CFAP299: variants seen among roughly 807,000 people sequenced by gnomAD.
The protein encoded by CFAP299 is cilia- and flagella-associated protein 299.
A neutral mutation model predicts 27.0 loss-of-function variants in CFAP299; 21 were observed. The observed-to-expected ratio is 0.78, with a 90% CI of 0.55 to 1.12. CFAP299 has a LOEUF of 1.12. Among genes scored for constraint, CFAP299 ranks in the 50% most tolerant of loss-of-function variants. CFAP299 has a pLI of 0.00. For missense variants in CFAP299, 310 were observed against 276.6 expected (o/e 1.12, Z -0.86); for synonymous variants, 104 against 98.1 (o/e 1.06, Z -0.36).
intron 2 of CFAP299, among the ~76,000 whole-genome samples, chr4:80,405,952 G>T (rs551684013): frequency 6.6e-6 from 1 of 151,944 alleles, no homozygotes; most frequent in African/African-American, 2.4e-5. Context: ...CAACTCACAC[G>T]TTCTTATTAT....
At chr4:80,920,322 C>G (rs149902109) in intron 4 of CFAP299, among the ~76,000 whole-genome samples, 1 of 152,230 alleles carries the variant, frequency 6.6e-6, no homozygotes, top group African/African-American at 2.4e-5. Context: ...CCAAATGGAA[C>G]ATTGAACCAA....
At chr4:80,368,981 GA>G (rs1165103470) in intron 2 of CFAP299, among the ~76,000 whole-genome samples, 2 of 152,162 alleles carry the variant, frequency 1.3e-5, no homozygotes, top group African/African-American at 4.8e-5. Context: ...GAAAAGTGAG[GA>G]AGCAGGACTG....
intron 3 of CFAP299, among the ~76,000 whole-genome samples, chr4:80,816,683 A>T (rs1355336675): frequency 1.3e-5 from 2 of 152,056 alleles, no homozygotes; most frequent in Non-Finnish European, 2.9e-5. Context: ...CAGACTCTGG[A>T]CCCTTGATGA....
intron 3 of CFAP299, among the ~76,000 whole-genome samples, chr4:80,704,271 GA>G (rs1256925557): frequency 6.6e-6 from 1 of 151,596 alleles, no homozygotes; most frequent in African/African-American, 2.4e-5. Flanking sequence ...TAAAGATGGG[GA>G]AAAGTCGAAG....
intron 3 of CFAP299, among the ~76,000 whole-genome samples, chr4:80,689,759 G>A (rs527942923): frequency 3.3e-5 from 5 of 152,074 alleles, no homozygotes; most frequent in Non-Finnish European, 7.4e-5. Flanking sequence ...AATTGGATAA[G>A]GAGTCAAGAC....
intron 1 of CFAP299, among the ~76,000 whole-genome samples, chr4:80,349,173 C>T (rs1177343899): frequency 6.6e-6 from 1 of 152,170 alleles, no homozygotes; most frequent in Non-Finnish European, 1.5e-5. Flanking sequence ...TAACCATGCA[C>T]TTGACACAGA....
intron 4 of CFAP299, among the ~76,000 whole-genome samples, chr4:80,886,409 C>T (rs372932451): frequency 9.9e-5 from 15 of 152,242 alleles, no homozygotes; most frequent in African/African-American, 2.2e-4. Context: ...CCACATAGTG[C>T]GACACAGAGA....
chr4:80,531,881 G>A (rs569891802), intron 2 of CFAP299, among the ~76,000 whole-genome samples: 34 of 150,420 alleles, frequency 2.3e-4, no homozygotes, highest in Non-Finnish European at 4.9e-4. Context: ...AGCCTCCCAA[G>A]TAGCTGGGAT....
intron 3 of CFAP299, among the ~76,000 whole-genome samples, chr4:80,843,475 A>G (rs1276430246): frequency 1.3e-5 from 2 of 152,094 alleles, no homozygotes; most frequent in African/African-American, 4.8e-5. Context: ...AATCCAGTCT[A>G]TCATTGTTGG....
intron 3 of CFAP299, among the ~76,000 whole-genome samples, chr4:80,610,291 T>C (rs1234130847): frequency 2.0e-5 from 3 of 152,084 alleles, no homozygotes; most frequent in Non-Finnish European, 1.5e-5. Flanking sequence ...GGAGTGAATA[T>C]TGCTGAACCC....
intron 3 of CFAP299, among the ~76,000 whole-genome samples, chr4:80,842,913 A>G (rs1183355893): frequency 6.6e-6 from 1 of 152,124 alleles, no homozygotes. Context: ...CATAAAATAC[A>G]TTAAATGCCA....
intron 3 of CFAP299, among the ~76,000 whole-genome samples, chr4:80,833,886 G>C (rs1366417968): frequency 6.6e-6 from 1 of 152,152 alleles, no homozygotes; most frequent in Admixed American, 6.6e-5. Flanking sequence ...TTAAATCCAG[G>C]AGGGAATTTT....
intron 2 of CFAP299, among the ~76,000 whole-genome samples, chr4:80,451,725 A>G (rs1396910892): frequency 6.6e-6 from 1 of 152,202 alleles, no homozygotes; most frequent in African/African-American, 2.4e-5. Context: ...ACAATGATAG[A>G]TGGGTTAGAT....
At chr4:80,670,061 C>A (rs1362993492) in intron 3 of CFAP299, among the ~76,000 whole-genome samples, 1 of 151,926 alleles carries the variant, frequency 6.6e-6, no homozygotes, top group East Asian at 1.9e-4. Flanking sequence ...CATAGGTATA[C>A]ATGTGCCATG....
intron 3 of CFAP299, among the ~76,000 whole-genome samples, chr4:80,656,388 C>G (rs1192206591): frequency 1.3e-5 from 2 of 151,982 alleles, no homozygotes; most frequent in Non-Finnish European, 2.9e-5. Context: ...GCCCCAGCCC[C>G]CGACAGACCC....
intron 4 of CFAP299, among the ~76,000 whole-genome samples, chr4:80,934,240 C>T (rs938142998): frequency 6.6e-5 from 10 of 151,972 alleles, no homozygotes; most frequent in Non-Finnish European, 1.2e-4. Context: ...TATGTTGAGC[C>T]ATCCTTGTAT....
intron 4 of CFAP299, among the ~76,000 whole-genome samples, chr4:80,904,578 T>C (rs1324250570): frequency 6.6e-6 from 1 of 152,096 alleles, no homozygotes; most frequent in Non-Finnish European, 1.5e-5. Context: ...TTGATTAATA[T>C]GGTAAGATCT....
intron 2 of CFAP299, among the ~76,000 whole-genome samples, chr4:80,546,671 G>C (rs546366052): frequency 1.3e-5 from 2 of 152,172 alleles, no homozygotes; most frequent in East Asian, 3.9e-4. Flanking sequence ...TGTGAGATCT[G>C]GTTGTTGTAA....
In CFAP299 at chr4:80,335,757, G is replaced by C; in HGVS notation, c.-12G>C. ...TTCCGTTGCTAGGGACGCTTCGGCC[G>C]AGGATACCGCAATGGATCAGGAAGA... On this transcript the variant is annotated 5_prime_UTR_variant, in exon 1 of 6. Transcript: ENST00000358105. The C allele has an allele frequency of 3.2e-6, 5 of 1,565,766 alleles. No homozygotes were observed. Among genetic ancestry groups the C allele is most frequent in the Non-Finnish European group, 4.4e-6 (5 of 1,136,152 alleles).
Sources: gnomAD v4.1 joint callset for allele counts (sites outside exome capture counted in the v4.1 genomes callset) on GRCh38, gnomAD v4.1.1 for gene constraint, MANE v1.5 for transcripts, NCBI Gene and HGNC (gene_info 2026-07-23, HGNC 2026-07-21) for gene names.